The following MACROD2 variants were observed in gnomAD, a reference collection of about 807,000 sequenced individuals.
MACROD2 encodes ADP-ribose glycohydrolase MACROD2.
Under a neutral mutation model 70.4 loss-of-function variants are expected in MACROD2, and 36 were observed. The ratio of observed to expected loss-of-function variants is 0.51; its 90% CI spans 0.39 to 0.68. The LOEUF is 0.68. Among genes scored for constraint, MACROD2 ranks in the 30% least tolerant of loss-of-function variants. MACROD2 has a pLI of 0.00. For synonymous variants in MACROD2, 172 were observed against 178.8 expected (o/e 0.96, Z 0.30); for missense variants, 496 against 538.4 (o/e 0.92, Z 0.78).
intron 5 of MACROD2, among the ~76,000 whole-genome samples, chr20:15,016,344 C>A (rs1166356695): frequency 6.6e-6 from 1 of 152,124 alleles, no homozygotes; most frequent in Non-Finnish European, 1.5e-5. Flanking sequence ...AAAACTGTCC[C>A]AGGCTTCAGA....
At chr20:15,079,896 A>T (rs1198214853) in intron 5 of MACROD2, among the ~76,000 whole-genome samples, 1 of 151,794 alleles carries the variant, frequency 6.6e-6, no homozygotes, top group Non-Finnish European at 1.5e-5. Context: ...ATTAGCATCA[A>T]CTCCAATCTA....
intron 4 of MACROD2, among the ~76,000 whole-genome samples, chr20:14,540,956 C>T (rs761169115): frequency 1.3e-5 from 2 of 152,082 alleles, no homozygotes; most frequent in Non-Finnish European, 2.9e-5. Flanking sequence ...CATAATTAGC[C>T]CCATCTTACT....
At chr20:14,367,537 A>G (rs1006580687) in intron 3 of MACROD2, among the ~76,000 whole-genome samples, 16 of 152,320 alleles carry the variant, frequency 1.1e-4, no homozygotes, top group South Asian at 4.1e-4. Flanking sequence ...TTGAAGGACA[A>G]TTAGCCAAAC....
intron 4 of MACROD2, among the ~76,000 whole-genome samples, chr20:14,630,726 G>A (rs929450941): frequency 6.6e-6 from 1 of 152,040 alleles, no homozygotes; most frequent in African/African-American, 2.4e-5. Flanking sequence ...GAAGATAGGT[G>A]AACAAAATTT....
intron 3 of MACROD2, among the ~76,000 whole-genome samples, chr20:14,397,099 A>G (rs960579232): frequency 1.4e-5 from 2 of 145,190 alleles, no homozygotes; most frequent in Non-Finnish European, 3.0e-5. Flanking sequence ...GGTTCACACC[A>G]TTCTCCTGCC....
intron 5 of MACROD2, among the ~76,000 whole-genome samples, chr20:14,855,294 T>C (rs1050969496): frequency 3.3e-5 from 5 of 152,140 alleles, no homozygotes; most frequent in Non-Finnish European, 7.3e-5. Flanking sequence ...GAACTGGCTG[T>C]CTTCATTAAC....
intron 3 of MACROD2, among the ~76,000 whole-genome samples, chr20:14,156,038 C>T (rs538674761): frequency 6.6e-5 from 10 of 152,080 alleles, no homozygotes; most frequent in South Asian, 6.2e-4. Flanking sequence ...GGTACATGCT[C>T]GTAGTCCCAA....
intron 3 of MACROD2, among the ~76,000 whole-genome samples, chr20:14,095,916 A>T (rs1007991467): frequency 2.0e-5 from 3 of 152,226 alleles, no homozygotes; most frequent in African/African-American, 7.2e-5. Context: ...ATATCCAAAT[A>T]TTTTAAATGC....
intron 6 of MACROD2, among the ~76,000 whole-genome samples, chr20:15,330,631 A>G (rs995702092): frequency 4.7e-5 from 7 of 150,192 alleles, no homozygotes; most frequent in African/African-American, 1.5e-4. Context: ...TCACAGCAAG[A>G]AAAAAAAATG....
chr20:14,726,131 G>T (rs1180426902), intron 5 of MACROD2, among the ~76,000 whole-genome samples: 1 of 152,164 alleles, frequency 6.6e-6, no homozygotes, highest in Non-Finnish European at 1.5e-5. Context: ...TGAACTCATT[G>T]AAGCATATTA....
chr20:14,106,658 C>T (rs2054373014), intron 3 of MACROD2, among the ~76,000 whole-genome samples: 1 of 152,166 alleles, frequency 6.6e-6, no homozygotes, highest in African/African-American at 2.4e-5. Flanking sequence ...TCTGAACCAG[C>T]ATTGTCCCAG....
At chr20:15,850,203 C>A (rs2064281273) in intron 8 of MACROD2, among the ~76,000 whole-genome samples, 1 of 152,070 alleles carries the variant, frequency 6.6e-6, no homozygotes, top group African/African-American at 2.4e-5. Flanking sequence ...ACAGAGCATG[C>A]CACCAAGAGC....
intron 5 of MACROD2, among the ~76,000 whole-genome samples, chr20:14,793,025 T>C (rs1339101918): frequency 6.6e-6 from 1 of 152,200 alleles, no homozygotes; most frequent in South Asian, 2.1e-4. Context: ...TACATGATTC[T>C]ATCTTGTTTG....
intron 5 of MACROD2, among the ~76,000 whole-genome samples, chr20:15,105,494 G>T (rs2075903962): frequency 6.6e-6 from 1 of 152,060 alleles, no homozygotes; most frequent in Non-Finnish European, 1.5e-5. Flanking sequence ...GTGGAGAAAG[G>T]GTGCTTTCCT....
At chr20:14,765,905 G>A (rs979819788) in intron 5 of MACROD2, among the ~76,000 whole-genome samples, 5 of 152,024 alleles carry the variant, frequency 3.3e-5, no homozygotes, top group Admixed American at 3.3e-4. Context: ...CTGTACCACA[G>A]ACTTAAAGGA....
At chr20:14,303,834 G>A (rs113929050) in intron 3 of MACROD2, among the ~76,000 whole-genome samples, 5 of 152,196 alleles carry the variant, frequency 3.3e-5, no homozygotes, top group African/African-American at 1.2e-4. Context: ...TCATACAGTG[G>A]CTTATTCATA....
chr20:14,959,765 G>C (rs532230574), intron 5 of MACROD2, among the ~76,000 whole-genome samples: 8 of 152,270 alleles, frequency 5.3e-5, no homozygotes, highest in South Asian at 4.1e-4. Context: ...CATCTGCCTG[G>C]TTGGTTTTGG....
intron 6 of MACROD2, among the ~76,000 whole-genome samples, chr20:15,315,443 A>C (rs777191508): frequency 1.4e-4 from 22 of 152,222 alleles, no homozygotes; most frequent in Non-Finnish European, 1.3e-4. Flanking sequence ...TCTGAAAAGC[A>C]ACAAGGGAGC....
chr20:15,630,562 G>A (rs973286072), intron 8 of MACROD2, among the ~76,000 whole-genome samples: 1 of 152,088 alleles, frequency 6.6e-6, no homozygotes, highest in East Asian at 1.9e-4. Context: ...AGCACAGGAC[G>A]GGAGAAATGT....
Sources: gnomAD v4.1 joint callset for allele counts (sites outside exome capture counted in the v4.1 genomes callset) on GRCh38, gnomAD v4.1.1 for gene constraint, MANE v1.5 for transcripts, NCBI Gene and HGNC (gene_info 2026-07-23, HGNC 2026-07-21) for gene names.